TMEM132C: variants seen among roughly 807,000 people sequenced by gnomAD.
TMEM132C encodes the protein protein phosphatase 1, regulatory subunit 152.
Under a neutral mutation model 61.4 loss-of-function variants are expected in TMEM132C, and 29 were observed. The ratio of observed to expected loss-of-function variants is 0.47; its 90% CI spans 0.35 to 0.64. TMEM132C has a LOEUF of 0.64. Ranked by LOEUF, TMEM132C falls within the 30% of genes least tolerant of loss-of-function variation. The pLI is 0.00. For missense variants in TMEM132C, 1,408 were observed against 1,476.9 expected, an observed-to-expected ratio of 0.95 and a Z score of 0.76; for synonymous variants, 656 against 633.1, an observed-to-expected ratio of 1.04 and a Z score of -0.54.
intron 2 of TMEM132C, among the ~76,000 whole-genome samples, chr12:128,506,432 A>T (rs1872363489): frequency 6.6e-6 from 1 of 152,132 alleles, no homozygotes. Context: ...GGAGGAGTAG[A>T]TTTGCCATGA....
intron 2 of TMEM132C, among the ~76,000 whole-genome samples, chr12:128,449,847 A>C (rs1870121772): frequency 6.6e-6 from 1 of 152,246 alleles, no homozygotes; most frequent in Non-Finnish European, 1.5e-5. Context: ...TTGCCAGGGA[A>C]GGAAGTGCAT....
At chr12:128,544,177 T>G in intron 3 of TMEM132C, 74 bp downstream of exon 3, 2 of 1,435,024 alleles carry the variant, frequency 1.4e-6, no homozygotes, top group Non-Finnish European at 9.2e-7. Flanking sequence ...GTAAGAGCCT[T>G]GACTTGGACT....
chr12:128,408,271 G>A (rs921156112), intron 1 of TMEM132C, among the ~76,000 whole-genome samples: 5 of 152,158 alleles, frequency 3.3e-5, no homozygotes, highest in African/African-American at 7.2e-5. Context: ...AAAAGCAAAC[G>A]GGTTTCCTTT....
At chr12:128,513,919 C>T (rs1415852097) in intron 2 of TMEM132C, among the ~76,000 whole-genome samples, 1 of 152,186 alleles carries the variant, frequency 6.6e-6, no homozygotes, top group African/African-American at 2.4e-5. Context: ...GCAGCCCCAG[C>T]CTCCAAGAAT....
At chr12:128,625,349 A>C (rs1229967101) in intron 4 of TMEM132C, among the ~76,000 whole-genome samples, 2 of 152,206 alleles carry the variant, frequency 1.3e-5, no homozygotes, top group Non-Finnish European at 2.9e-5. Context: ...GTGGCTTCTC[A>C]CTGTGTCCCC....
At chr12:128,639,720 C>T (rs969673214) in intron 4 of TMEM132C, among the ~76,000 whole-genome samples, 5 of 152,144 alleles carry the variant, frequency 3.3e-5, no homozygotes, top group African/African-American at 9.7e-5. Context: ...CATCCCTGTT[C>T]ACCTGAAACT....
intron 2 of TMEM132C, among the ~76,000 whole-genome samples, chr12:128,535,071 G>T (rs79642099): frequency 0.012 from 1,898 of 152,272 alleles, 39 homozygotes; most frequent in African/African-American, 0.044. Context: ...TTCATTTCCT[G>T]CTAGGGGCAA....
rs1021640437 is a variant in TMEM132C, at chr12:128,599,125, A to C, written c.1122-17027A>C. Among the ~76,000 whole-genome samples, 9 of 152,216 alleles carry C rather than the reference A, an allele frequency of 5.9e-5. No homozygotes were observed. In the East Asian group the frequency reaches 1.4e-3, roughly 23 times the overall value. Reference sequence around the variant, plus strand: ...CCGTTCCTCTGCGGCTGCAGCTCCCACAGGGAAACTCTCAGTGTAGACCCA... The same window carrying C: ...CCGTTCCTCTGCGGCTGCAGCTCCCCCAGGGAAACTCTCAGTGTAGACCCA... On this transcript the variant is annotated intron_variant, in intron 3 of 8. Coordinates refer to ENST00000435159, the MANE Select transcript of TMEM132C (RefSeq NM_001136103.3).
In TMEM132C at chr12:128,326,448, T is replaced by C. The variant is rs938506601; in HGVS notation, c.85+58961T>C. ...CGCTTATCCCCCTCTGGTTCAGATA[T>C]CTTTGCAAAGGCAGATGTACAAATC... On this transcript the variant is annotated intron_variant, in intron 1 of 8. Coordinates refer to ENST00000435159, the MANE Select transcript of TMEM132C (RefSeq NM_001136103.3). This position sits in a 1 kb window ranked among gnomAD's most constrained non-coding sequence, Gnocchi z 5.6. 3.9e-5 allele frequency among the ~76,000 whole-genome samples: 6 copies of C among 152,236 alleles called. No homozygotes were observed. Among genetic ancestry groups the C allele is most frequent in the African/African-American group, 1.4e-4 (6 of 41,468 alleles).
At chr12:128,417,825 T>TA (rs1357820835) in intron 2 of TMEM132C, among the ~76,000 whole-genome samples, 8 of 152,356 alleles carry the variant, frequency 5.3e-5, no homozygotes, top group Non-Finnish European at 1.0e-4. Flanking sequence ...GTGTGTTGTG[T>TA]AAAACAACTA....
intron 5 of TMEM132C, among the ~76,000 whole-genome samples, chr12:128,685,657 G>A (rs1686936616): frequency 6.6e-6 from 1 of 152,206 alleles, no homozygotes; most frequent in Non-Finnish European, 1.5e-5. Context: ...ACAATGGGGA[G>A]AGGAAGTAGA....
intron 3 of TMEM132C, among the ~76,000 whole-genome samples, chr12:128,578,669 C>A (rs1432514179): frequency 1.3e-5 from 2 of 152,130 alleles, no homozygotes; most frequent in African/African-American, 4.8e-5. Flanking sequence ...ATGATCTCGG[C>A]TCACTGCAAT....
At chr12:128,554,773 C>T (rs1874279190) in intron 3 of TMEM132C, among the ~76,000 whole-genome samples, 1 of 152,176 alleles carries the variant, frequency 6.6e-6, no homozygotes, top group Non-Finnish European at 1.5e-5. Context: ...ACAGACGCTC[C>T]TGTATTTCCA....
At position 128,695,960 on chromosome 12, in the gene TMEM132C, C is replaced by A; in HGVS notation, c.1786C>A (p.Pro596Thr). 1 of 1,551,780 alleles carries A rather than the reference C, an allele frequency of 6.4e-7. No individual in the cohort carries two copies. Among genetic ancestry groups the A allele is most frequent in the East Asian group, 2.4e-5 (1 of 40,918 alleles). Reference protein sequence around the residue: ...VSEGAGPWGQPNYLLSPNWQF... With the variant: ...VSEGAGPWGQTNYLLSPNWQF... Reference sequence around the variant, plus strand: ...TGAGGGCGCCGGTCCATGGGGCCAGCCGAACTACCTGCTTAGTCCTAACTG... The same window carrying A: ...TGAGGGCGCCGGTCCATGGGGCCAGACGAACTACCTGCTTAGTCCTAACTG... Residue 596 changes from proline (P) to threonine (T), a missense_variant, in exon 7 of 9, where the codon CCG becomes ACG. Coordinates refer to ENST00000435159, the MANE Select transcript of TMEM132C (RefSeq NM_001136103.3).
At chr12:128,343,486 T>G (rs1873046118) in intron 1 of TMEM132C, among the ~76,000 whole-genome samples, 1 of 152,018 alleles carries the variant, frequency 6.6e-6, no homozygotes, top group South Asian at 2.1e-4. Flanking sequence ...AACTCTATAC[T>G]GTTACCAGTT....
chr12:128,378,281 A>AT (rs1449737687), intron 1 of TMEM132C, among the ~76,000 whole-genome samples: 2 of 151,488 alleles, frequency 1.3e-5, no homozygotes, highest in Non-Finnish European at 1.5e-5. Context: ...TGCCCGGCTA[A>AT]TTTTTTTGTA....
At chr12:128,547,578 A>T (rs929196326) in intron 3 of TMEM132C, among the ~76,000 whole-genome samples, 3 of 151,752 alleles carry the variant, frequency 2.0e-5, no homozygotes, top group Non-Finnish European at 4.4e-5. Context: ...AAAAAAAAAA[A>T]AAAAAGAAAT....
Position 128,616,460 on chromosome 12 carries a change from G to A in TMEM132C, c.1305+125G>A, listed in dbSNP as rs137936157. On this transcript the variant is annotated intron_variant, in intron 4 of 8. Coordinates refer to ENST00000435159, the MANE Select transcript of TMEM132C (RefSeq NM_001136103.3). ...GGAGTGTTTACTTTCAAAGTTTCTCGTCTTTCCTCACCCTGGAAGTTGTTA... is the reference window on the plus strand; with the variant it reads ...GGAGTGTTTACTTTCAAAGTTTCTCATCTTTCCTCACCCTGGAAGTTGTTA... The A allele has an allele frequency of 3.3e-4, 330 of 1,013,276 alleles. 1 individual carries two copies. In the African/African-American group the frequency reaches 3.3e-3, roughly 10 times the overall value. 62.8% of individuals were successfully genotyped at this position (1,013,276 alleles called of 1,614,324 possible). A position where few individuals can be genotyped will look rare whatever the true frequency, so the allele number is the denominator to read the frequency against.
At position 128,705,171 on chromosome 12, in the gene TMEM132C, C is replaced by A; in HGVS notation, c.2203C>A (p.Leu735Met). The A allele has an allele frequency of 6.4e-7, 1 of 1,551,726 alleles. No individual in the cohort carries two copies. The highest frequency in any genetic ancestry group is 8.7e-7 in the Non-Finnish European group (1 of 1,147,000). Residue 735 changes from leucine (L) to methionine (M), a missense_variant, in exon 9 of 9, where the codon CTG (leucine) becomes ATG (methionine). Transcript: ENST00000435159. ...LDIYDTKDFS[L>M]AATSQDEAVV... ...CATCTACGACACCAAGGACTTCTCCCTGGCAGCCACCTCCCAGGACGAGGC... is the reference window on the plus strand; with the variant it reads ...CATCTACGACACCAAGGACTTCTCCATGGCAGCCACCTCCCAGGACGAGGC...
Sources: allele counts gnomAD v4.1 joint callset (sites outside exome capture counted in the v4.1 genomes callset), GRCh38; gene constraint gnomAD v4.1.1; non-coding constraint Gnocchi (gnomAD v3.1); transcripts MANE v1.5; gene names NCBI Gene and HGNC (gene_info 2026-07-23, HGNC 2026-07-21).